SUSD5: variants seen among roughly 807,000 people sequenced by gnomAD.
The protein encoded by SUSD5 is sushi domain containing 5.
Under a neutral mutation model 29.5 loss-of-function variants are expected in SUSD5, and 33 were observed. The ratio of observed to expected loss-of-function variants is 1.12; its 90% confidence interval spans 0.85 to 1.49. The LOEUF is 1.49. SUSD5 is among the 40% of genes most tolerant of loss of function. SUSD5 has a pLI of 0.00. For synonymous variants in SUSD5, 308 were observed against 325.3 expected (o/e 0.95, Z 0.57); for missense variants, 776 against 800.6 (o/e 0.97, Z 0.37).
chr3:33,214,823 G>C (rs576471440), intron 1 of SUSD5, among the ~76,000 whole-genome samples: 1 of 152,162 alleles, frequency 6.6e-6, no homozygotes, highest in East Asian at 1.9e-4. Flanking sequence ...AGGGAGCACT[G>C]AGGTCCCCAG....
At chr3:33,206,915 C>T (rs915966988) in intron 3 of SUSD5, among the ~76,000 whole-genome samples, 3 of 152,142 alleles carry the variant, frequency 2.0e-5, no homozygotes, top group Non-Finnish European at 2.9e-5. Flanking sequence ...TTACTCCCCC[C>T]ACCCCTCCCC....
At chr3:33,196,862 A>G (rs2032005790) in intron 3 of SUSD5, among the ~76,000 whole-genome samples, 1 of 152,152 alleles carries the variant, frequency 6.6e-6, no homozygotes, top group African/African-American at 2.4e-5. Flanking sequence ...GAGTAAGAAG[A>G]AAGGAGCATC....
At chr3:33,179,263 C>CT (rs936289668) in intron 3 of SUSD5, among the ~76,000 whole-genome samples, 7 of 151,958 alleles carry the variant, frequency 4.6e-5, no homozygotes, top group Non-Finnish European at 7.4e-5. Context: ...GATGTCCCCT[C>CT]TTTTTTTTAA....
intron 3 of SUSD5, among the ~76,000 whole-genome samples, chr3:33,196,298 T>G (rs532913163): frequency 6.6e-6 from 1 of 152,268 alleles, no homozygotes; most frequent in African/African-American, 2.4e-5. Flanking sequence ...ACTACTGACA[T>G]AGCAATAATG....
intron 2 of SUSD5, among the ~76,000 whole-genome samples, chr3:33,212,052 T>C (rs1376059021): frequency 6.6e-6 from 1 of 152,166 alleles, no homozygotes; most frequent in Non-Finnish European, 1.5e-5. Context: ...AGGATGGCCA[T>C]AGTTAACAAT....
At chr3:33,179,341 C>T (rs1404905394) in intron 3 of SUSD5, among the ~76,000 whole-genome samples, 1 of 151,866 alleles carries the variant, frequency 6.6e-6, no homozygotes, top group Non-Finnish European at 1.5e-5. Context: ...ACCCGAAGAA[C>T]CAGGGAAAAC....
At chr3:33,157,878 G>A (rs1181197531) in intron 4 of SUSD5, among the ~76,000 whole-genome samples, 1 of 152,222 alleles carries the variant, frequency 6.6e-6, no homozygotes, top group East Asian at 1.9e-4. Flanking sequence ...CCAAACTGCT[G>A]ACTCAAAGAA....
intron 3 of SUSD5, among the ~76,000 whole-genome samples, chr3:33,191,357 C>G (rs2125626539): frequency 6.6e-6 from 1 of 152,164 alleles, no homozygotes; most frequent in African/African-American, 2.4e-5. Context: ...GTCTTGATCT[C>G]CTGACCTCAT....
chr3:33,199,214 TCA>T (rs35522769), intron 3 of SUSD5, among the ~76,000 whole-genome samples: 20,229 of 147,820 alleles, frequency 0.14, 1,505 homozygotes, highest in Admixed American at 0.21. Flanking sequence ...GGGGAGAATT[TCA>T]CACACACACA....
At chr3:33,197,507 C>T (rs1447374978) in intron 3 of SUSD5, among the ~76,000 whole-genome samples, 1 of 151,942 alleles carries the variant, frequency 6.6e-6, no homozygotes, top group African/African-American at 2.4e-5. Flanking sequence ...TTTAAGTGTA[C>T]AGCTTAGTCA....
At chr3:33,194,720 A>G (rs2031962701) in intron 3 of SUSD5, among the ~76,000 whole-genome samples, 1 of 152,186 alleles carries the variant, frequency 6.6e-6, no homozygotes, top group Non-Finnish European at 1.5e-5. Flanking sequence ...AGAATGAATG[A>G]TGGAAGGTAA....
intron 3 of SUSD5, among the ~76,000 whole-genome samples, chr3:33,206,284 G>A (rs2032216841): frequency 6.6e-6 from 1 of 152,048 alleles, no homozygotes; most frequent in South Asian, 2.1e-4. Flanking sequence ...TGAGGCAGGA[G>A]AATCGCATGA....
intron 1 of SUSD5, among the ~76,000 whole-genome samples, chr3:33,214,629 T>C (rs943182496): frequency 2.6e-5 from 4 of 152,164 alleles, no homozygotes; most frequent in Non-Finnish European, 5.9e-5. Flanking sequence ...TCTGTCCTAC[T>C]GCACAAGAAA....
intron 3 of SUSD5, among the ~76,000 whole-genome samples, chr3:33,178,449 G>T (rs373865493): frequency 0.01 from 1,140 of 112,886 alleles, 21 homozygotes; most frequent in African/African-American, 0.027. Context: ...TTTTTTTGTT[G>T]TTGTTTTGTT....
chr3:33,202,191 G>A (rs954183916), intron 3 of SUSD5, among the ~76,000 whole-genome samples: 1 of 152,132 alleles, frequency 6.6e-6, no homozygotes, highest in Admixed American at 6.6e-5. Context: ...ATGGTAATGA[G>A]CTCAGAGGCT....
chr3:33,172,861 C>T (rs1007673299), intron 4 of SUSD5, among the ~76,000 whole-genome samples: 7 of 151,966 alleles, frequency 4.6e-5, no homozygotes, highest in African/African-American at 7.3e-5. Context: ...TTGCATTTTA[C>T]GAAGTATTAA....
intron 4 of SUSD5, 72 bp downstream of exon 4, chr3:33,174,814 A>G (rs906352129): frequency 1.5e-5 from 23 of 1,554,312 alleles, no homozygotes; most frequent in African/African-American, 2.7e-5. Flanking sequence ...CACCGCATGC[A>G]GCCAGCAGCA....
At chr3:33,164,785 A>T (rs1041793304) in intron 4 of SUSD5, among the ~76,000 whole-genome samples, 18 of 152,218 alleles carry the variant, frequency 1.2e-4, no homozygotes, top group African/African-American at 4.3e-4. Flanking sequence ...ATCATTAATC[A>T]GGGAAACTCA....
chr3:33,179,094 T>C (rs993497698), intron 3 of SUSD5, among the ~76,000 whole-genome samples: 5 of 152,196 alleles, frequency 3.3e-5, no homozygotes, highest in African/African-American at 1.2e-4. Context: ...AATTAGTTAT[T>C]GATTCAATTT....
Sources: gnomAD v4.1 joint callset for allele counts (sites outside exome capture counted in the v4.1 genomes callset) on GRCh38, gnomAD v4.1.1 for gene constraint, MANE v1.5 for transcripts, NCBI Gene and HGNC (gene_info 2026-07-23, HGNC 2026-07-21) for gene names.